DPY19L3: variants seen among roughly 807,000 people sequenced by gnomAD.
The protein encoded by DPY19L3 is dpy-19 like C-mannosyltransferase 3, also known as protein C-mannosyl-transferase DPY19L3.
DPY19L3 carries 51 observed loss-of-function variants against 92.3 expected under a neutral mutation model. The ratio of observed to expected loss-of-function variants is 0.55; its 90% confidence interval spans 0.44 to 0.70. The LOEUF is 0.70. DPY19L3 is among the 30% of genes least tolerant of loss of function. The probability of loss-of-function intolerance (pLI) is 0.00; values close to 1 mark genes in which losing one functional copy is unlikely to be tolerated. For missense variants in DPY19L3, 706 were observed against 855.9 expected, an observed-to-expected ratio of 0.82 and a Z score of 2.18; for synonymous variants, 309 against 315.2, an observed-to-expected ratio of 0.98 and a Z score of 0.21.
intron 3 of DPY19L3, among the ~76,000 whole-genome samples, chr19:32,427,777 A>C (rs888046838): frequency 2.0e-5 from 3 of 152,154 alleles, no homozygotes; most frequent in African/African-American, 7.2e-5. Flanking sequence ...TATGTGCCAT[A>C]AATATGTTTG....
chr19:32,464,066 G>C lies in DPY19L3; in HGVS notation c.1557+86G>C. 5 of 717,676 alleles carry C rather than the reference G, an allele frequency of 7.0e-6. No homozygotes were observed. In the South Asian group the frequency reaches 1.2e-4, roughly 18 times the overall value. The allele number at this position is 717,676 out of a possible 1,614,324, so 44.5% of individuals were successfully genotyped here. A position where few individuals can be genotyped will look rare whatever the true frequency, so the allele number is the denominator to read the frequency against. ...TCTTTTTTTGTTTTTCAGTAGCTGT[G>C]AGATAAAATGGATACTGAAATTGAA... On this transcript the variant is annotated intron_variant, in intron 14 of 18. Coordinates refer to ENST00000392250, the MANE Select transcript of DPY19L3 (RefSeq NM_001172774.2).
At chr19:32,408,104 A>G in intron 1 of DPY19L3, 113 bp from the exon 2 acceptor site, 2 of 607,506 alleles carry the variant, frequency 3.3e-6, no homozygotes, top group Non-Finnish European at 5.9e-6. Context: ...AAAAAAAGGG[A>G]GGGCATGCTA....
intron 13 of DPY19L3, among the ~76,000 whole-genome samples, 178 bp downstream of exon 13, chr19:32,463,666 C>A (rs1410879205): frequency 6.6e-6 from 1 of 152,166 alleles, no homozygotes; most frequent in Non-Finnish European, 1.5e-5. Context: ...CAATTAATTA[C>A]AAACACGCCT....
At chr19:32,419,362 A>C (rs1599594541) in intron 3 of DPY19L3, among the ~76,000 whole-genome samples, 1 of 151,924 alleles carries the variant, frequency 6.6e-6, no homozygotes, top group Non-Finnish European at 1.5e-5. Context: ...GGAGTTTCAC[A>C]GTGTTAGCCA....
rs566583680 is a variant in DPY19L3 at position 32,463,247 on chromosome 19, T to C, written c.1323-119T>C. On this transcript the variant is annotated intron_variant, in intron 12 of 18. Transcript: ENST00000392250. ...ATCAATGCGAATTCATTTCATCTTA[T>C]GGAAATAATCAATTTCTGAATACAT... 28 of 1,134,422 alleles carry C rather than the reference T, an allele frequency of 2.5e-5. No homozygotes were observed. The African/African-American group carries it at 3.9e-4, about 16-fold the overall frequency. The allele number at this position is 1,134,422 out of a possible 1,614,324, so 70.3% of individuals were successfully genotyped here.
At chr19:32,459,223 ATATC>A (rs1482495340) in intron 12 of DPY19L3, among the ~76,000 whole-genome samples, 1 of 152,228 alleles carries the variant, frequency 6.6e-6, no homozygotes, top group Non-Finnish European at 1.5e-5. Flanking sequence ...ACTTGTAAGA[ATATC>A]TACCCATCAA....
intron 15 of DPY19L3, among the ~76,000 whole-genome samples, chr19:32,465,364 A>G (rs1053596493): frequency 1.3e-5 from 2 of 152,220 alleles, no homozygotes; most frequent in East Asian, 1.9e-4. Flanking sequence ...GACAATGATC[A>G]TTGGTCAGGT....
intron 15 of DPY19L3, chr19:32,467,587 A>G (rs1970236663): frequency 1.0e-6 from 1 of 987,512 alleles, no homozygotes; most frequent in South Asian, 4.7e-5. Flanking sequence ...ATGACCAAAA[A>G]AACAGTGATA....
At chr19:32,469,330 G>C (rs1216393678) in intron 16 of DPY19L3, among the ~76,000 whole-genome samples, 1 of 151,856 alleles carries the variant, frequency 6.6e-6, no homozygotes, top group Non-Finnish European at 1.5e-5. Context: ...AACCCCGTCT[G>C]TCTCTACTAA....
intron 8 of DPY19L3, among the ~76,000 whole-genome samples, chr19:32,448,682 A>G (rs907178902): frequency 3.3e-5 from 5 of 152,218 alleles, no homozygotes; most frequent in African/African-American, 1.2e-4. Flanking sequence ...GAGTAGGCCA[A>G]GGACGAGGTA....
At chr19:32,444,170 C>G (rs1430898671) in intron 8 of DPY19L3, among the ~76,000 whole-genome samples, 1 of 150,458 alleles carries the variant, frequency 6.6e-6, no homozygotes, top group Admixed American at 6.6e-5. Context: ...TTTAAGGCAG[C>G]CATCATAAAA....
rs1970701123 is a variant in DPY19L3 at position 32,482,377 on chromosome 19, A to G, written c.*137A>G. 1 of 991,990 alleles carries G rather than the reference A, an allele frequency of 1.0e-6. No homozygotes were observed. Among genetic ancestry groups the G allele is most frequent in the Admixed American group, 2.8e-5 (1 of 36,300 alleles). The allele number at this position is 991,990 out of a possible 1,614,324, so 61.4% of individuals were successfully genotyped here. On this transcript the variant is annotated 3_prime_UTR_variant, in exon 19 of 19. Coordinates refer to ENST00000392250, the MANE Select transcript of DPY19L3 (RefSeq NM_001172774.2). ...ATGAGTAAGTTCTACAGATGTTTAC[A>G]CAAGTGTTGCCATCTTTGAAAGCAT...
Position 32,482,363 on chromosome 19 carries a change from C to G in DPY19L3, c.*123C>G. 8.8e-7 allele frequency: 1 copy of G among 1,135,566 alleles called. No individual in the cohort carries two copies. Among genetic ancestry groups the G allele is most frequent in the South Asian group, 1.6e-5 (1 of 64,048 alleles). 70.3% of individuals were successfully genotyped at this position (1,135,566 alleles called of 1,614,324 possible). On this transcript the variant is annotated 3_prime_UTR_variant, in exon 19 of 19. Transcript: ENST00000392250. Reference sequence around the variant, plus strand: ...CTTCAAGCTGTGATATGAGTAAGTTCTACAGATGTTTACACAAGTGTTGCC... The same window carrying G: ...CTTCAAGCTGTGATATGAGTAAGTTGTACAGATGTTTACACAAGTGTTGCC...
chr19:32,440,871 A>G (rs1488844647), intron 8 of DPY19L3, among the ~76,000 whole-genome samples: 1 of 152,188 alleles, frequency 6.6e-6, no homozygotes, highest in Admixed American at 6.5e-5. Context: ...TTACAGAAGT[A>G]AGAAGCTAGA....
chr19:32,473,715 G>A (rs906656998), intron 16 of DPY19L3, among the ~76,000 whole-genome samples: 12 of 152,310 alleles, frequency 7.9e-5, no homozygotes, highest in African/African-American at 9.6e-5. Flanking sequence ...CGGAGCTGGC[G>A]TATGAGACAA....
At chr19:32,413,754 CTCTG>C (rs1251219582) in intron 3 of DPY19L3, among the ~76,000 whole-genome samples, 1 of 151,944 alleles carries the variant, frequency 6.6e-6, no homozygotes, top group African/African-American at 2.4e-5. Context: ...CAGGGTCTTT[CTCTG>C]TCCCCAGGCT....
intron 3 of DPY19L3, among the ~76,000 whole-genome samples, chr19:32,424,161 T>G (rs1430711907): frequency 6.7e-6 from 1 of 149,908 alleles, no homozygotes; most frequent in East Asian, 2.0e-4. Flanking sequence ...TACAAAAAAT[T>G]TTTAAAAAAT....
In DPY19L3 at chr19:32,482,494, A is replaced by C. The variant is rs1970704667; in HGVS notation, c.*254A>C. On this transcript the variant is annotated 3_prime_UTR_variant, in exon 19 of 19. Transcript: ENST00000392250. Reference sequence around the variant, plus strand: ...GTTAACAACTTTCTAAGAGTGACCTAGAATTATGTTGTTGGAGAGAATGAT... The same window carrying C: ...GTTAACAACTTTCTAAGAGTGACCTCGAATTATGTTGTTGGAGAGAATGAT... 1 of 386,106 alleles carries C rather than the reference A, an allele frequency of 2.6e-6. No individual in the cohort carries two copies. The highest frequency in any genetic ancestry group is 4.6e-6 in the Non-Finnish European group (1 of 215,196). The allele number at this position is 386,106 out of a possible 1,614,324, so 23.9% of individuals were successfully genotyped here. A position where few individuals can be genotyped will look rare whatever the true frequency, so the allele number is the denominator to read the frequency against.
intron 8 of DPY19L3, among the ~76,000 whole-genome samples, chr19:32,442,259 T>G (rs1202140660): frequency 6.6e-6 from 1 of 152,178 alleles, no homozygotes; most frequent in Admixed American, 6.5e-5. Flanking sequence ...ACCTCAAGTT[T>G]CCAGTCAGAA....
Sources: allele counts gnomAD v4.1 joint callset (sites outside exome capture counted in the v4.1 genomes callset), GRCh38; gene constraint gnomAD v4.1.1; transcripts MANE v1.5; gene names NCBI Gene and HGNC (gene_info 2026-07-23, HGNC 2026-07-21).